The following OSBPL10 variants were observed in gnomAD, a reference collection of about 807,000 sequenced individuals.
The protein encoded by OSBPL10 is oxysterol-binding protein-related protein 10.
A neutral mutation model predicts 81.7 loss-of-function variants in OSBPL10; 49 were observed. The observed-to-expected ratio is 0.60, with a 90% CI of 0.48 to 0.76. The LOEUF (loss-of-function observed/expected upper bound fraction) is 0.76. Ranked by LOEUF, OSBPL10 falls within the 30% of genes least tolerant of loss-of-function variation. The pLI, the probability that OSBPL10 is intolerant of heterozygous loss-of-function variation, is 0.00. For missense variants in OSBPL10, 923 were observed against 987.8 expected, an observed-to-expected ratio of 0.93 and a Z score of 0.88; for synonymous variants, 419 against 383.6, an observed-to-expected ratio of 1.09 and a Z score of -1.08.
intron 1 of OSBPL10, among the ~76,000 whole-genome samples, chr3:32,071,209 G>A (rs192850911): frequency 5.3e-5 from 8 of 152,144 alleles, no homozygotes; most frequent in African/African-American, 9.6e-5. Context: ...TGCTCTCCCT[G>A]CCAATTGGGT....
chr3:31,671,455 AAG>A, intron 8 of OSBPL10, among the ~76,000 whole-genome samples: 1 of 152,246 alleles, frequency 6.6e-6, no homozygotes, highest in Non-Finnish European at 1.5e-5. Flanking sequence ...CCACATGCAG[AAG>A]AGAGATGATA....
intron 1 of OSBPL10, among the ~76,000 whole-genome samples, chr3:31,921,653 G>T (rs964927446): frequency 1.3e-5 from 2 of 152,162 alleles, no homozygotes; most frequent in African/African-American, 4.8e-5. Flanking sequence ...AATCTCCCAG[G>T]CATCAGAACT....
intron 1 of OSBPL10, among the ~76,000 whole-genome samples, chr3:32,048,374 C>T: frequency 6.7e-6 from 1 of 149,812 alleles, no homozygotes; most frequent in African/African-American, 2.5e-5. Flanking sequence ...ATGGCACGAT[C>T]TCCGCTCACT....
intron 2 of OSBPL10, among the ~76,000 whole-genome samples, chr3:31,995,878 G>A (rs910113151): frequency 2.0e-5 from 3 of 152,174 alleles, no homozygotes; most frequent in East Asian, 1.9e-4. Context: ...TGTGATCAAT[G>A]CAGTGCAAAG....
chr3:31,797,605 C>T (rs7628972), intron 4 of OSBPL10: 231,123 of 317,944 alleles, frequency 0.73, 84,287 homozygotes, highest in East Asian at 0.82. Context: ...TATTTCCATC[C>T]CTCCAAACTA....
At position 31,863,341 on chromosome 3, in the gene OSBPL10, C is replaced by G. The variant is rs778941434; in HGVS notation, c.537+13092G>C. Among the ~76,000 whole-genome samples the G allele has an allele frequency of 1.8e-4, 27 of 151,954 alleles. 2 individuals are homozygous for G. The highest frequency in any genetic ancestry group is 2.9e-4 in the Non-Finnish European group (20 of 68,012). On this transcript the variant is annotated intron_variant, in intron 3 of 11. Transcript: ENST00000396556. ...GATTTTTTTAGGAACGATAAAATATCCTGGAATGAGATAGTGGTAGTGGTT... is the reference window on the plus strand; with the variant it reads ...GATTTTTTTAGGAACGATAAAATATGCTGGAATGAGATAGTGGTAGTGGTT...
At chr3:31,790,622 T>C (rs957524995) in intron 4 of OSBPL10, among the ~76,000 whole-genome samples, 3 of 152,200 alleles carry the variant, frequency 2.0e-5, no homozygotes, top group African/African-American at 7.2e-5. Flanking sequence ...CAGGTGGGGC[T>C]GCCACTGAGA....
At chr3:31,842,322 T>C (rs1295756895) in intron 3 of OSBPL10, among the ~76,000 whole-genome samples, 2 of 152,222 alleles carry the variant, frequency 1.3e-5, no homozygotes, top group Non-Finnish European at 2.9e-5. Flanking sequence ...GGAGTATCCC[T>C]AATGTGTGAG....
In OSBPL10 at chr3:32,000,001, A is replaced by G. The variant is rs148125629; in HGVS notation, n.298+46490T>C. Among the ~76,000 whole-genome samples, 567 of 152,292 alleles carry G rather than the reference A, an allele frequency of 3.7e-3. 5 individuals carry two copies. Among genetic ancestry groups the G allele is most frequent in the African/African-American group, 0.013 (539 of 41,556 alleles). On this transcript the variant is annotated intron_variant and non_coding_transcript_variant, in intron 2 of 3. Coordinates refer to the OSBPL10 transcript ENST00000479173. ...AATATCTAGTGGTGCGGCCTCAGCT[A>G]TAACAGGGAGATGATCTTTGCCACA...
At position 31,952,438 on chromosome 3, in the gene OSBPL10, C is replaced by T. The variant is rs920858334; in HGVS notation, c.281+28461G>A. On this transcript the variant is annotated intron_variant, in intron 1 of 11. Transcript: ENST00000396556. Reference sequence around the variant, plus strand: ...ACATCCAGGCGTATCCCTCGTCACGCTCCGTGAGAGCACTTTGCATGCTGC... The same window carrying T: ...ACATCCAGGCGTATCCCTCGTCACGTTCCGTGAGAGCACTTTGCATGCTGC... Among the ~76,000 whole-genome samples the T allele has an allele frequency of 3.9e-5, 6 of 152,212 alleles. No individual in the cohort carries two copies. The East Asian group carries it at 1.2e-3, about 29-fold the overall frequency.
intron 4 of OSBPL10, among the ~76,000 whole-genome samples, chr3:31,821,208 A>G (rs4355319): frequency 0.28 from 42,322 of 151,600 alleles, 5,995 homozygotes; most frequent in Non-Finnish European, 0.28. Flanking sequence ...GGTGGGGGAC[A>G]TATCTCGGTG....
rs1401514215 is a variant in OSBPL10, at chr3:31,846,588, C to T, written c.538-16357G>A. On this transcript the variant is annotated intron_variant, in intron 3 of 11. Coordinates refer to ENST00000396556, the MANE Select transcript of OSBPL10 (RefSeq NM_017784.5). ...CGGAGGTTGCAGTGAGCCAAGATCA[C>T]GCCATTGCACTCCAGCCTGGGCAAC... is the stretch of plus-strand genomic sequence containing the variant. Among the ~76,000 whole-genome samples the T allele has an allele frequency of 3.3e-5, 5 of 151,978 alleles. No individual in the cohort carries two copies. The East Asian group carries it at 9.7e-4, about 30-fold the overall frequency.
intron 8 of OSBPL10, among the ~76,000 whole-genome samples, chr3:31,677,312 T>C (rs1437761729): frequency 6.6e-6 from 1 of 152,140 alleles, no homozygotes; most frequent in Non-Finnish European, 1.5e-5. Flanking sequence ...AGCGGACACA[T>C]TTTAATTAAT....
Position 31,670,710 on chromosome 3 carries a change from A to G in OSBPL10, c.1913+87T>C, listed in dbSNP as rs1700301990. On this transcript the variant is annotated intron_variant, in intron 9 of 11. Coordinates refer to ENST00000396556, the MANE Select transcript of OSBPL10 (RefSeq NM_017784.5). ...TTTATCTTGATTTTCAACTCATCCC[A>G]TTACTGAAACTCAGTCTTCTAATGG... The G allele has an allele frequency of 5.1e-6, 7 of 1,361,648 alleles. No individual in the cohort carries two copies. In the South Asian group the frequency reaches 5.8e-5, roughly 11 times the overall value. 84.3% of individuals were successfully genotyped at this position (1,361,648 alleles called of 1,614,324 possible). A position where few individuals can be genotyped will look rare whatever the true frequency, so the allele number is the denominator to read the frequency against.
chr3:31,720,904 A>AAAAAAAAAC (rs1234644853), intron 6 of OSBPL10, among the ~76,000 whole-genome samples: 1 of 147,458 alleles, frequency 6.8e-6, no homozygotes, highest in African/African-American at 2.5e-5. Context: ...AAAAAAAAAA[A>AAAAAAAAAC]GGCCCAAAGA....
intron 5 of OSBPL10, among the ~76,000 whole-genome samples, chr3:31,738,541 C>T (rs1006548188): frequency 4.6e-5 from 7 of 152,148 alleles, no homozygotes; most frequent in African/African-American, 1.4e-4. Flanking sequence ...TGTCTTTCCC[C>T]GGTAAGAATG....
intron 1 of OSBPL10, among the ~76,000 whole-genome samples, chr3:31,909,606 A>G (rs562538414): frequency 6.6e-6 from 1 of 152,260 alleles, no homozygotes; most frequent in East Asian, 1.9e-4. Flanking sequence ...GAACATTTCC[A>G]CAGTAACTCA....
At chr3:31,879,870 C>G (rs777128524) in intron 1 of OSBPL10, 40 bp from the exon 2 acceptor site, 1 of 1,586,866 alleles carries the variant, frequency 6.3e-7, no homozygotes, top group South Asian at 1.2e-5. Flanking sequence ...TTCTCTCCTA[C>G]CCTATTCTGC....
chr3:31,801,797 A>AT (rs1699387293), intron 4 of OSBPL10, among the ~76,000 whole-genome samples: 1 of 151,916 alleles, frequency 6.6e-6, no homozygotes, highest in South Asian at 2.1e-4. Context: ...TGCTTATAAG[A>AT]ACTAAGACCT....
Sources: gnomAD v4.1 joint callset for allele counts (sites outside exome capture counted in the v4.1 genomes callset) on GRCh38, gnomAD v4.1.1 for gene constraint, MANE v1.5 for transcripts, NCBI Gene and HGNC (gene_info 2026-07-23, HGNC 2026-07-21) for gene names.